The following SORL1 variants were observed in gnomAD, a reference collection of about 807,000 sequenced individuals.
The protein encoded by SORL1 is sortilin related receptor 1, also known as sortilin-related receptor.
In SORL1, 127 loss-of-function variants were observed where a neutral mutation model predicts 273.7. That is an observed-to-expected ratio of 0.46 (90% confidence interval 0.40 to 0.54). The LOEUF is 0.54. Among genes scored for constraint, SORL1 ranks in the 20% least tolerant of loss-of-function variants. The pLI, the probability that SORL1 is intolerant of heterozygous loss-of-function variation, is 0.00. For missense variants in SORL1, 2,494 were observed against 2,846.1 expected, an observed-to-expected ratio of 0.88 and a Z score of 2.81; for synonymous variants, 1,031 against 1,067.4, an observed-to-expected ratio of 0.97 and a Z score of 0.66.
At chr11:121,546,450 T>G (rs1291704868) in intron 14 of SORL1, among the ~76,000 whole-genome samples, 1 of 152,160 alleles carries the variant, frequency 6.6e-6, no homozygotes. Context: ...TAATTCAGCA[T>G]GAAATCATTG....
chr11:121,585,370 C>A (rs1335793353), intron 26 of SORL1, among the ~76,000 whole-genome samples: 2 of 152,088 alleles, frequency 1.3e-5, no homozygotes, highest in Non-Finnish European at 1.5e-5. Context: ...GTGGTCCCAG[C>A]TACTCAGGAG....
chr11:121,579,131 T>C (rs1862977852), intron 25 of SORL1, among the ~76,000 whole-genome samples: 1 of 141,292 alleles, frequency 7.1e-6, no homozygotes, highest in Non-Finnish European at 1.6e-5. Flanking sequence ...TTCATTTCTA[T>C]AGGCAAGCTT....
intron 2 of SORL1, among the ~76,000 whole-genome samples, chr11:121,471,799 A>G (rs1861173171): frequency 6.6e-6 from 1 of 152,120 alleles, no homozygotes; most frequent in Non-Finnish European, 1.5e-5. Context: ...GGCTGTCAGG[A>G]TGCATGACTT....
At chr11:121,567,382 G>C (rs186590788) in intron 22 of SORL1, among the ~76,000 whole-genome samples, 47 of 152,350 alleles carry the variant, frequency 3.1e-4, no homozygotes, top group African/African-American at 9.4e-4. Flanking sequence ...TTTCATGTCA[G>C]ATGGCACAGG....
chr11:121,569,790 C>T (rs558816262), intron 22 of SORL1, among the ~76,000 whole-genome samples: 71 of 152,298 alleles, frequency 4.7e-4, no homozygotes, highest in African/African-American at 1.6e-3. Flanking sequence ...TTGTGAAGCA[C>T]ATGATCTCTG....
chr11:121,522,336 T>C (rs1004316401), intron 9 of SORL1, among the ~76,000 whole-genome samples: 1 of 152,220 alleles, frequency 6.6e-6, no homozygotes, highest in Non-Finnish European at 1.5e-5. Flanking sequence ...CTAATTGTTA[T>C]TCCCTGAGAG....
At chr11:121,555,373 T>C in intron 18 of SORL1, 55 bp downstream of exon 18, 1 of 1,599,512 alleles carries the variant, frequency 6.3e-7, no homozygotes, top group Non-Finnish European at 8.5e-7. Context: ...GCACCTGGGC[T>C]TTGAGCCACA....
At position 121,629,614 on chromosome 11, in the gene SORL1, AG is replaced by A; in HGVS notation, c.*52del. The A allele has an allele frequency of 1.1e-6, 1 of 909,550 alleles. No homozygotes were observed. Among genetic ancestry groups the A allele is most frequent in the South Asian group, 1.3e-5 (1 of 75,238 alleles). The allele number at this position is 909,550 out of a possible 1,614,324, so 56.3% of individuals were successfully genotyped here. On this transcript the variant is annotated 3_prime_UTR_variant, in exon 48 of 48. Transcript: ENST00000260197. Reference sequence around the variant, plus strand: ...ATGGTGTAAATATTTTATTTGATAAAGATAGTTGATGGTTTATTTTAAAAGA... The same window carrying A: ...ATGGTGTAAATATTTTATTTGATAAAATAGTTGATGGTTTATTTTAAAAGA...
chr11:121,473,242 C>T (rs1861199940), intron 2 of SORL1, among the ~76,000 whole-genome samples: 1 of 152,134 alleles, frequency 6.6e-6, no homozygotes, highest in East Asian at 1.9e-4. Flanking sequence ...CTAAACAAAT[C>T]AGGAACTGTG....
intron 16 of SORL1, among the ~76,000 whole-genome samples, chr11:121,551,447 A>T (rs1317835342): frequency 6.6e-6 from 1 of 152,248 alleles, no homozygotes; most frequent in African/African-American, 2.4e-5. Flanking sequence ...GTGATGTAAC[A>T]TGGGGTCTTT....
chr11:121,537,155 G>A (rs1862278907), intron 12 of SORL1, among the ~76,000 whole-genome samples: 1 of 152,184 alleles, frequency 6.6e-6, no homozygotes, highest in African/African-American at 2.4e-5. Flanking sequence ...TTCCAGGTGG[G>A]AAGTAGTGAG....
intron 28 of SORL1, among the ~76,000 whole-genome samples, chr11:121,588,637 G>A (rs566405328): frequency 7.9e-4 from 120 of 152,244 alleles, no homozygotes; most frequent in African/African-American, 2.8e-3. Context: ...CTAAAATAGT[G>A]CCCTTCTTGG....
intron 16 of SORL1, among the ~76,000 whole-genome samples, chr11:121,552,369 G>A (rs940467446): frequency 6.6e-6 from 1 of 152,200 alleles, no homozygotes; most frequent in Non-Finnish European, 1.5e-5. Flanking sequence ...TTGCGCGCTG[G>A]AATGCCGCAT....
chr11:121,557,184 G>A (rs986604099), intron 18 of SORL1, 130 bp from the exon 19 acceptor site: 19 of 733,996 alleles, frequency 2.6e-5, no homozygotes, highest in Non-Finnish European at 4.2e-5. Flanking sequence ...TCGCAGATGG[G>A]TCAGGTCAGG....
chr11:121,589,206 G>T, intron 28 of SORL1, 53 bp from the exon 29 acceptor site: 1 of 1,604,378 alleles, frequency 6.2e-7, no homozygotes, highest in South Asian at 1.1e-5. Flanking sequence ...CTGCTGCTTC[G>T]ACCCCTCAGC....
intron 12 of SORL1, among the ~76,000 whole-genome samples, chr11:121,534,751 T>C (rs1300105523): frequency 6.6e-6 from 1 of 152,226 alleles, no homozygotes; most frequent in Non-Finnish European, 1.5e-5. Flanking sequence ...CAATGGTGAT[T>C]TACTGTGACA....
At chr11:121,488,273 G>A (rs1861505335) in intron 4 of SORL1, 80 bp downstream of exon 4, 2 of 1,419,342 alleles carry the variant, frequency 1.4e-6, no homozygotes, top group African/African-American at 1.4e-5. Context: ...TGTCCTTTGA[G>A]TGACCTCGCC....
chr11:121,624,733 T>C (rs1863769303), intron 45 of SORL1, among the ~76,000 whole-genome samples: 1 of 152,238 alleles, frequency 6.6e-6, no homozygotes, highest in African/African-American at 2.4e-5. Context: ...TGGCAAACTG[T>C]TCAGATTCTT....
In SORL1 at chr11:121,604,331, G is replaced by GC; in HGVS notation, c.4651+9dup. 1.9e-6 allele frequency: 3 copies of GC among 1,612,936 alleles called. No homozygotes were observed. Among genetic ancestry groups the GC allele is most frequent in the Non-Finnish European group, 2.5e-6 (3 of 1,179,790 alleles). ...GATGAAAAGGCCTGCAGTGGTGAGT[G>GC]CCGGTCCACGGGCTGGGCTGGGCTG... On this transcript the variant is annotated splice_region_variant and intron_variant, in intron 33 of 47. Transcript: ENST00000260197.
Sources: gnomAD v4.1 joint callset for allele counts (sites outside exome capture counted in the v4.1 genomes callset) on GRCh38, gnomAD v4.1.1 for gene constraint, MANE v1.5 for transcripts, NCBI Gene and HGNC (gene_info 2026-07-23, HGNC 2026-07-21) for gene names.